Variants in REEP2 observed in about 807,000 individuals in gnomAD.
REEP2 encodes receptor accessory protein 2.
In REEP2, 9 loss-of-function variants were observed where a neutral mutation model predicts 32.1. The ratio of observed to expected loss-of-function variants is 0.28; its 90% confidence interval spans 0.17 to 0.49. The LOEUF (loss-of-function observed/expected upper bound fraction) is 0.49. Ranked by LOEUF, REEP2 falls within the 20% of genes least tolerant of loss-of-function variation. REEP2 has a pLI of 0.99. For synonymous variants in REEP2, 128 were observed against 139.1 expected (o/e 0.92, Z 0.56); for missense variants, 236 against 338.0 (o/e 0.70, Z 2.37).
rs1259359897 is a variant in REEP2 at position 138,441,339 on chromosome 5, G to A, written c.106-46G>A. ...AGAGCTGGGGTCCTGGGTGTCCCTGGCCCCTCAGCCCCGTGCCCCAGCCAG... is the reference window on the plus strand; with the variant it reads ...AGAGCTGGGGTCCTGGGTGTCCCTGACCCCTCAGCCCCGTGCCCCAGCCAG... On this transcript the variant is annotated intron_variant, in intron 2 of 7. Coordinates refer to ENST00000378339, the MANE Select transcript of REEP2 (RefSeq NM_001271803.2). The surrounding 1 kb of genome is among the most constrained non-coding windows in gnomAD (Gnocchi z 4.4). 1.3e-6 allele frequency: 2 copies of A among 1,549,158 alleles called. No homozygotes were observed. The highest frequency in any genetic ancestry group is 2.7e-5 in the African/African-American group (2 of 73,576).
At chr5:138,445,031 A>G in intron 5 of REEP2, 164 bp downstream of exon 5, 1 of 777,736 alleles carries the variant, frequency 1.3e-6, no homozygotes, top group Non-Finnish European at 2.0e-6. Flanking sequence ...AGTCACTTTG[A>G]TTGTCCGGCC....
rs1171119361 is a variant in REEP2 at position 138,442,775 on chromosome 5, G to T, written c.182+1314G>T. ...ACTCTGGAGGCTGAGGCAGGAGAAC[G>T]GTGTGAACCCAGGAGGCGGAGCTTG... On this transcript the variant is annotated intron_variant, in intron 3 of 7. Transcript: ENST00000378339. 6.6e-5 allele frequency among the ~76,000 whole-genome samples: 10 copies of T among 151,266 alleles called. No homozygotes were observed. In the East Asian group the frequency reaches 2.0e-3, roughly 30 times the overall value.
chr5:138,440,515 C>CT (rs1491299501), intron 1 of REEP2, among the ~76,000 whole-genome samples: 1 of 152,198 alleles, frequency 6.6e-6, no homozygotes, highest in Non-Finnish European at 1.5e-5. Flanking sequence ...CCTCCTGCCC[C>CT]TGTGCCCTCT....
intron 5 of REEP2, 79 bp from the exon 6 acceptor site, chr5:138,445,149 T>A: frequency 6.8e-7 from 1 of 1,463,692 alleles, no homozygotes; most frequent in Non-Finnish European, 9.2e-7. Context: ...AGCCTGGGGC[T>A]GCTGCCAGCA....
Position 138,441,356 on chromosome 5 carries a change from C to T in REEP2, c.106-29C>T, listed in dbSNP as rs770271074. On this transcript the variant is annotated intron_variant, in intron 2 of 7. Coordinates refer to ENST00000378339, the MANE Select transcript of REEP2 (RefSeq NM_001271803.2). The surrounding 1 kb of genome is among the most constrained non-coding windows in gnomAD (Gnocchi z 4.4). ...TGTCCCTGGCCCCTCAGCCCCGTGC[C>T]CCAGCCAGCGCTTCCCTCTGTCCCT... 6.2e-6 allele frequency: 10 copies of T among 1,607,704 alleles called. No homozygotes were observed. In the East Asian group the frequency reaches 6.7e-5, roughly 11 times the overall value.
chr5:138,442,870 A>C (rs1580977448), intron 3 of REEP2, among the ~76,000 whole-genome samples: 2 of 151,822 alleles, frequency 1.3e-5, no homozygotes, highest in South Asian at 4.2e-4. Context: ...CAAAAAAAAA[A>C]AAAAAAATAG....
intron 1 of REEP2, 132 bp downstream of exon 1, chr5:138,439,372 A>C: frequency 1.1e-6 from 1 of 893,778 alleles, no homozygotes; most frequent in Non-Finnish European, 1.7e-6. Context: ...TGGGGCCCCC[A>C]GAGACATGGA....
At chr5:138,445,055 TC>T in intron 5 of REEP2, 172 bp from the exon 6 acceptor site, 1 of 838,814 alleles carries the variant, frequency 1.2e-6, no homozygotes, top group Non-Finnish European at 1.8e-6. Context: ...TCCCCATCTG[TC>T]CCCAGAGGCA....
chr5:138,439,930 C>T, intron 1 of REEP2: 1 of 369,560 alleles, frequency 2.7e-6, no homozygotes, highest in South Asian at 2.0e-5. Flanking sequence ...CACTGTGGAG[C>T]TGTGTCTCTG....
chr5:138,440,206 GCTCCCT>G (rs1259516895), intron 1 of REEP2, among the ~76,000 whole-genome samples: 2 of 152,194 alleles, frequency 1.3e-5, no homozygotes, highest in African/African-American at 4.8e-5. Context: ...GCCCCACCCT[GCTCCCT>G]TCTTCCCATT....
At chr5:138,443,285 A>AC (rs1763860952) in intron 3 of REEP2, among the ~76,000 whole-genome samples, 1 of 151,606 alleles carries the variant, frequency 6.6e-6, no homozygotes, top group South Asian at 2.1e-4. Context: ...ACATGGTGAA[A>AC]CCCCTTATCT....
intron 1 of REEP2, 79 bp downstream of exon 1, chr5:138,439,319 A>C: frequency 2.3e-6 from 3 of 1,325,488 alleles, no homozygotes; most frequent in Non-Finnish European, 3.0e-6. Context: ...ACTTCTCCGA[A>C]GCTTCGTGCA....
At chr5:138,444,171 G>T (rs1763879206) in intron 3 of REEP2, among the ~76,000 whole-genome samples, 3 of 152,026 alleles carry the variant, frequency 2.0e-5, no homozygotes, top group Admixed American at 1.3e-4. Flanking sequence ...AGAGGATGAG[G>T]CCAGGAGAGT....
chr5:138,440,455 G>A (rs932435663), intron 1 of REEP2, among the ~76,000 whole-genome samples: 3 of 152,200 alleles, frequency 2.0e-5, no homozygotes, highest in African/African-American at 7.2e-5. Flanking sequence ...CCTGAGCCCT[G>A]TCCCTGTGGT....
intron 3 of REEP2, chr5:138,444,207 T>C (rs559092521): frequency 1.9e-6 from 1 of 530,020 alleles, no homozygotes; most frequent in East Asian, 3.2e-5. Flanking sequence ...TTCCTTCTAG[T>C]GTCACTGCTT....
In REEP2 at chr5:138,445,844, G is replaced by A; in HGVS notation, c.*93G>A. 1 of 1,275,560 alleles carries A rather than the reference G, an allele frequency of 7.8e-7. No homozygotes were observed. Among genetic ancestry groups the A allele is most frequent in the Non-Finnish European group, 1.1e-6 (1 of 920,568 alleles). 79.0% of individuals were successfully genotyped at this position (1,275,560 alleles called of 1,614,324 possible). On this transcript the variant is annotated 3_prime_UTR_variant, in exon 8 of 8. Coordinates refer to ENST00000378339, the MANE Select transcript of REEP2 (RefSeq NM_001271803.2). Reference sequence around the variant, plus strand: ...GCTCCACACTGTGCCAGTAGCCTAGGTGTCTCAGGCCCCTGGGCCCCGCAG... The same window carrying A: ...GCTCCACACTGTGCCAGTAGCCTAGATGTCTCAGGCCCCTGGGCCCCGCAG...
intron 1 of REEP2, 80 bp from the exon 2 acceptor site, chr5:138,440,936 C>G: frequency 1.2e-6 from 2 of 1,600,222 alleles, no homozygotes; most frequent in South Asian, 1.1e-5. Context: ...CCATTACTTA[C>G]CCAGGGGCTG....
chr5:138,442,896 C>G (rs1297985624), intron 3 of REEP2, among the ~76,000 whole-genome samples: 1 of 151,276 alleles, frequency 6.6e-6, no homozygotes, highest in Non-Finnish European at 1.5e-5. Context: ...TATTATGGCA[C>G]CTACTTGTAA....
In REEP2 at chr5:138,445,507, C is replaced by G; in HGVS notation, c.605C>G (p.Pro202Arg). 6.2e-7 allele frequency: 1 copy of G among 1,614,170 alleles called. No homozygotes were observed. Among genetic ancestry groups the G allele is most frequent in the Admixed American group, 1.7e-5 (1 of 60,022 alleles). ...PALSLRSSTNPADSRTEASED... is the reference protein window; with the variant it reads ...PALSLRSSTNRADSRTEASED... ...CTGAGTCTAAGGTCCAGCACAAACCCGGCAGATTCCCGGACAGAGGCTTCT... is the reference window on the plus strand; with the variant it reads ...CTGAGTCTAAGGTCCAGCACAAACCGGGCAGATTCCCGGACAGAGGCTTCT... The change falls in exon 7 of 8, where the codon CCG (proline) becomes CGG (arginine). Residue 202 changes from proline to arginine, a missense_variant. Pro to Arg is a moderately radical substitution (Grantham distance 103, BLOSUM62 -2). Coordinates refer to ENST00000378339, the MANE Select transcript of REEP2 (RefSeq NM_001271803.2).
Sources: allele counts gnomAD v4.1 joint callset (sites outside exome capture counted in the v4.1 genomes callset), GRCh38; gene constraint gnomAD v4.1.1; non-coding constraint Gnocchi (gnomAD v3.1); transcripts MANE v1.5; gene names NCBI Gene and HGNC (gene_info 2026-07-23, HGNC 2026-07-21).